GNAI3: variants seen among roughly 807,000 people sequenced by gnomAD.
GNAI3 encodes guanine nucleotide-binding protein G(i) subunit alpha-3.
A neutral mutation model predicts 41.8 loss-of-function variants in GNAI3; 12 were observed. That is an observed-to-expected ratio of 0.29 (90% CI 0.18 to 0.47). The LOEUF is 0.47. Among genes scored for constraint, GNAI3 ranks in the 20% least tolerant of loss-of-function variants. GNAI3 has a pLI of 1.00. For missense variants in GNAI3, 360 were observed against 429.6 expected (o/e 0.84, Z 1.43); for synonymous variants, 132 against 146.5 (o/e 0.90, Z 0.71).
chr1:109,578,998 A>G (rs748516078), intron 3 of GNAI3, among the ~76,000 whole-genome samples: 1 of 152,184 alleles, frequency 6.6e-6, no homozygotes, highest in Non-Finnish European at 1.5e-5. Context: ...ATCATTCCTC[A>G]GCTCAGTTCT....
chr1:109,586,859 C>T lies in GNAI3; in HGVS notation c.851C>T (p.Thr284Ile), dbSNP rs984351571. 3.1e-6 allele frequency: 5 copies of T among 1,601,962 alleles called. No individual in the cohort carries two copies. Among genetic ancestry groups the T allele is most frequent in the Middle Eastern group, 3.3e-4 (2 of 6,002 alleles). Reference protein sequence around the residue: ...FEEKIKRSPLTICYPEYTGSN... With the variant: ...FEEKIKRSPLIICYPEYTGSN... ...GAAAAAATAAAGAGGAGTCCGTTAA[C>T]TATCTGTTATCCAGAATACACAGGT... The change falls in exon 7 of 9, where the codon ACT becomes ATT. Residue 284 changes from threonine (T) to isoleucine (I), a missense_variant. Physicochemically the swap from Thr to Ile is moderately conservative, Grantham distance 89. Coordinates refer to ENST00000369851, the MANE Select transcript of GNAI3 (RefSeq NM_006496.4).
chr1:109,554,419 C>T (rs1306259048), intron 1 of GNAI3, among the ~76,000 whole-genome samples: 6 of 152,008 alleles, frequency 3.9e-5, no homozygotes, highest in African/African-American at 9.7e-5. Flanking sequence ...GCCATTATTG[C>T]AGGAGTAAGG....
At chr1:109,580,199 C>T (rs901108307) in intron 4 of GNAI3, among the ~76,000 whole-genome samples, 4 of 152,082 alleles carry the variant, frequency 2.6e-5, no homozygotes, top group African/African-American at 7.2e-5. Flanking sequence ...GGGGTTTCAA[C>T]GTGTTAGCCA....
At chr1:109,592,306 T>C in intron 8 of GNAI3, 39 bp from the exon 9 acceptor site, 1 of 955,666 alleles carries the variant, frequency 1.0e-6, no homozygotes, top group Non-Finnish European at 1.6e-6. Context: ...TCTCTTGGTT[T>C]TTAAACTTTT....
chr1:109,561,056 T>C (rs1371877744), intron 1 of GNAI3, among the ~76,000 whole-genome samples: 1 of 152,208 alleles, frequency 6.6e-6, no homozygotes, highest in African/African-American at 2.4e-5. Context: ...GTAGGTAATG[T>C]AGTCCTGAGG....
chr1:109,591,657 T>C (rs1276276217), intron 7 of GNAI3: 3 of 414,094 alleles, frequency 7.2e-6, no homozygotes, highest in Non-Finnish European at 8.7e-6. Flanking sequence ...GTTGAATTTT[T>C]ATTCCAAGAT....
intron 7 of GNAI3, among the ~76,000 whole-genome samples, chr1:109,588,713 T>C (rs1649094976): frequency 6.6e-6 from 1 of 152,026 alleles, no homozygotes; most frequent in South Asian, 2.1e-4. Context: ...ACCAATGTGG[T>C]GAAACCCTGT....
Position 109,589,438 on chromosome 1 carries a change from G to A in GNAI3, c.874+2556G>A, listed in dbSNP as rs557098213. Among the ~76,000 whole-genome samples the A allele has an allele frequency of 2.6e-5, 4 of 152,244 alleles. No individual in the cohort carries two copies. In the East Asian group the frequency reaches 7.7e-4, roughly 29 times the overall value. ...AATGGAAAGTGAAGAAAGAAGACAAGTGTAGACTACTCTTGAGCAACGTGG... is the reference window on the plus strand; with the variant it reads ...AATGGAAAGTGAAGAAAGAAGACAAATGTAGACTACTCTTGAGCAACGTGG... On this transcript the variant is annotated intron_variant, in intron 7 of 8. Transcript: ENST00000369851.
At chr1:109,567,303 A>G (rs1253932452) in intron 1 of GNAI3, among the ~76,000 whole-genome samples, 7 of 152,196 alleles carry the variant, frequency 4.6e-5, no homozygotes, top group Non-Finnish European at 7.3e-5. Flanking sequence ...AGATTTCTAT[A>G]TAGAAACCAG....
chr1:109,592,280 T>C (rs770000982), intron 8 of GNAI3, 25 bp downstream of exon 8: 16 of 1,251,818 alleles, frequency 1.3e-5, no homozygotes, highest in African/African-American at 7.4e-5. Flanking sequence ...AAGGTAGTTA[T>C]AGTGCTACAG....
chr1:109,548,895 G>C (rs1018391277), intron 1 of GNAI3, 57 bp downstream of exon 1: 49 of 1,157,212 alleles, frequency 4.2e-5, no homozygotes, highest in South Asian at 3.7e-4. Flanking sequence ...GCGCTTGGAA[G>C]GCCTGAACGG....
intron 1 of GNAI3, among the ~76,000 whole-genome samples, chr1:109,569,979 A>G (rs1355897776): frequency 2.0e-5 from 3 of 152,200 alleles, no homozygotes; most frequent in Non-Finnish European, 4.4e-5. Flanking sequence ...ATTAATCTCA[A>G]CTTTTCTTAA....
rs1362239313 is a variant in GNAI3 at position 109,591,455 on chromosome 1, A to G, written c.875-588A>G. On this transcript the variant is annotated intron_variant, in intron 7 of 8. Transcript: ENST00000369851. Reference sequence around the variant, plus strand: ...ATCCTTCTCAACAATTTCTCACTTCATTGATCCTTTCTAGTTGGAGACACT... The same window carrying G: ...ATCCTTCTCAACAATTTCTCACTTCGTTGATCCTTTCTAGTTGGAGACACT... The G allele has an allele frequency of 1.3e-5, 12 of 921,646 alleles. No homozygotes were observed. The East Asian group carries it at 1.7e-4, about 13-fold the overall frequency. 57.1% of individuals were successfully genotyped at this position (921,646 alleles called of 1,614,324 possible). A position where few individuals can be genotyped will look rare whatever the true frequency, so the allele number is the denominator to read the frequency against.
At chr1:109,575,252 C>T (rs1263225262) in intron 3 of GNAI3, among the ~76,000 whole-genome samples, 6 of 151,962 alleles carry the variant, frequency 3.9e-5, no homozygotes, top group African/African-American at 1.5e-4. Flanking sequence ...GCTTTTGTTT[C>T]CTTCTTTTCC....
At chr1:109,584,118 C>T (rs539068013) in intron 5 of GNAI3, among the ~76,000 whole-genome samples, 1 of 152,234 alleles carries the variant, frequency 6.6e-6, no homozygotes, top group East Asian at 1.9e-4. Flanking sequence ...TACCTCAAAT[C>T]CTCTCAGTTC....
intron 1 of GNAI3, among the ~76,000 whole-genome samples, chr1:109,565,573 G>A (rs951731774): frequency 9.9e-5 from 15 of 152,216 alleles, no homozygotes; most frequent in African/African-American, 3.6e-4. Flanking sequence ...ATCTGGCATT[G>A]TGATTAATGT....
In GNAI3 at chr1:109,586,436, A is replaced by T. The variant is rs1271429212; in HGVS notation, c.720+91A>T. ...GAAGATTATCTGCATCCATTTCCTC[A>T]TTCAACCAAAACTTAGTATCTTTAA... is the stretch of plus-strand genomic sequence containing the variant. On this transcript the variant is annotated intron_variant, in intron 6 of 8. Coordinates refer to ENST00000369851, the MANE Select transcript of GNAI3 (RefSeq NM_006496.4). 4 of 1,276,534 alleles carry T rather than the reference A, an allele frequency of 3.1e-6. No individual in the cohort carries two copies. The East Asian group carries it at 7.1e-5, about 23-fold the overall frequency. The allele number at this position is 1,276,534 out of a possible 1,614,324, so 79.1% of individuals were successfully genotyped here. A position where few individuals can be genotyped will look rare whatever the true frequency, so the allele number is the denominator to read the frequency against.
Position 109,594,529 on chromosome 1 carries a change from G to A in GNAI3, c.*2207G>A, listed in dbSNP as rs1453493850. 2 of 151,938 alleles carry A rather than the reference G, an allele frequency of 1.3e-5. No homozygotes were observed. The highest frequency in any genetic ancestry group is 2.9e-5 in the Non-Finnish European group (2 of 68,018). The allele number at this position is 151,938 out of a possible 1,614,324, so 9.4% of individuals were successfully genotyped here. A position where few individuals can be genotyped will look rare whatever the true frequency, so the allele number is the denominator to read the frequency against. The stretch of plus-strand genomic sequence containing the variant: ...ACCATCCCAAATAACTTATCTAAAT[G>A]CACATTCCTTGAGGACACAGGGAGA... On this transcript the variant is annotated 3_prime_UTR_variant, in exon 9 of 9. Transcript: ENST00000369851.
At chr1:109,579,760 CT>C (rs1648839336) in intron 4 of GNAI3, among the ~76,000 whole-genome samples, 1 of 152,198 alleles carries the variant, frequency 6.6e-6, no homozygotes, top group Non-Finnish European at 1.5e-5. Context: ...AGCCAGCTCT[CT>C]GTGTCTGGGC....
Sources: gnomAD v4.1 joint callset for allele counts (sites outside exome capture counted in the v4.1 genomes callset) on GRCh38, gnomAD v4.1.1 for gene constraint, MANE v1.5 for transcripts, NCBI Gene and HGNC (gene_info 2026-07-23, HGNC 2026-07-21) for gene names.